Variants in PTCHD4 observed in about 807,000 individuals in gnomAD.
The protein encoded by PTCHD4 is patched domain-containing protein 4.
PTCHD4 carries 33 observed loss-of-function variants against 58.1 expected under a neutral mutation model. That is an observed-to-expected ratio of 0.57 (90% CI 0.43 to 0.76). PTCHD4 has a LOEUF of 0.76. Among genes scored for constraint, PTCHD4 ranks in the 30% least tolerant of loss-of-function variants. PTCHD4 has a pLI of 0.00. For synonymous variants in PTCHD4, 478 were observed against 409.6 expected (o/e 1.17, Z -2.02); for missense variants, 1,058 against 1,027.1 (o/e 1.03, Z -0.41).
intron 4 of PTCHD4, among the ~76,000 whole-genome samples, chr6:47,974,129 A>T (rs987159907): frequency 2.0e-5 from 3 of 152,194 alleles, no homozygotes; most frequent in Non-Finnish European, 4.4e-5. Flanking sequence ...ATAATGAGGG[A>T]TAAGTCAGGA....
intron 4 of PTCHD4, among the ~76,000 whole-genome samples, chr6:47,956,384 C>A (rs1192989225): frequency 6.6e-6 from 1 of 152,004 alleles, no homozygotes; most frequent in Non-Finnish European, 1.5e-5. Context: ...GATCAAAGAG[C>A]TAGACAATGA....
At chr6:48,002,597 T>C in intron 4 of PTCHD4, among the ~76,000 whole-genome samples, 3 of 121,006 alleles carry the variant, frequency 2.5e-5, no homozygotes, top group Middle Eastern at 7.5e-3. Context: ...TATCACACAC[T>C]GGGGCCTGTT....
chr6:48,045,845 C>T (rs1764017990), intron 3 of PTCHD4, among the ~76,000 whole-genome samples: 1 of 151,068 alleles, frequency 6.6e-6, no homozygotes, highest in African/African-American at 2.4e-5. Context: ...CATCTTCATT[C>T]CCTCAGGGTC....
intron 4 of PTCHD4, among the ~76,000 whole-genome samples, chr6:47,905,012 T>C (rs1561949494): frequency 7.2e-6 from 1 of 139,644 alleles, no homozygotes; most frequent in East Asian, 2.1e-4. Context: ...AATAGAGAAT[T>C]AGAAGAAGAA....
intron 1 of PTCHD4, among the ~76,000 whole-genome samples, chr6:48,070,836 G>A (rs1274983031): frequency 6.6e-6 from 1 of 152,136 alleles, no homozygotes; most frequent in Admixed American, 6.5e-5. Context: ...CACATGATGG[G>A]AAAGTTTTGG....
intron 4 of PTCHD4, among the ~76,000 whole-genome samples, chr6:47,968,686 T>A (rs1029056147): frequency 9.2e-5 from 14 of 152,180 alleles, no homozygotes; most frequent in Non-Finnish European, 1.9e-4. Flanking sequence ...AGTATTTTTT[T>A]AAAAATAATT....
At chr6:48,087,749 G>T (rs1765289567) in intron 1 of PTCHD4, among the ~76,000 whole-genome samples, 1 of 152,182 alleles carries the variant, frequency 6.6e-6, no homozygotes, top group Admixed American at 6.5e-5. Context: ...AATGGAAAAA[G>T]TCATACCTAT....
At position 47,863,600 on chromosome 6, in the gene PTCHD4, T is replaced by C. The variant is rs753051892; in HGVS notation, c.*14703A>G. ...TTCCAAATATTGCATGAAACATACT[T>C]GTACTAAAAATTTCATTCACTGATT... is the stretch of plus-strand genomic sequence containing the variant. On this transcript the variant is annotated 3_prime_UTR_variant, in exon 5 of 5. Coordinates refer to ENST00000339488, the MANE Select transcript of PTCHD4 (RefSeq NM_001384253.1). Among the ~76,000 whole-genome samples, 1 of 151,964 alleles carries C rather than the reference T, an allele frequency of 6.6e-6. No individual in the cohort carries two copies. Among genetic ancestry groups the C allele is most frequent in the Non-Finnish European group, 1.5e-5 (1 of 67,910 alleles).
At chr6:47,940,793 A>C (rs1766186809) in intron 4 of PTCHD4, among the ~76,000 whole-genome samples, 1 of 152,178 alleles carries the variant, frequency 6.6e-6, no homozygotes. Flanking sequence ...ACTCCTTCTT[A>C]ATATCAGGAA....
chr6:48,110,025 T>C (rs906024105), intron 1 of PTCHD4, among the ~76,000 whole-genome samples: 1 of 152,096 alleles, frequency 6.6e-6, no homozygotes, highest in African/African-American at 2.4e-5. Context: ...TGTAAACTGG[T>C]AAAGCCAGTT....
chr6:48,009,102 T>G lies in PTCHD4; in HGVS notation c.430A>C (p.Ser144Arg). Residue 144 changes from serine (S) to arginine (R), a missense_variant, in exon 4 of 5, where the codon AGT (serine) becomes CGT (arginine). Coordinates refer to ENST00000339488, the MANE Select transcript of PTCHD4 (RefSeq NM_001384253.1). ...CCGCCCAGTTGGTGTCCAATAAAACTGTTCCTCCCATCCTTGAAAACAGAA... is the reference window on the plus strand; with the variant it reads ...CCGCCCAGTTGGTGTCCAATAAAACGGTTCCTCCCATCCTTGAAAACAGAA... ...AVLEMKDGRNSFIGHQLGGVV... is the reference protein window; with the variant it reads ...AVLEMKDGRNRFIGHQLGGVV... 6.2e-7 allele frequency: 1 copy of G among 1,606,286 alleles called. No individual in the cohort carries two copies. Among genetic ancestry groups the G allele is most frequent in the Non-Finnish European group, 8.5e-7 (1 of 1,175,568 alleles).
Position 47,877,952 on chromosome 6 carries a change from AC to A in PTCHD4, c.*350del, listed in dbSNP as rs1763891289. 1 of 170,838 alleles carries A rather than the reference AC, an allele frequency of 5.9e-6. No homozygotes were observed. The highest frequency in any genetic ancestry group is 2.4e-5 in the African/African-American group (1 of 42,148). The allele number at this position is 170,838 out of a possible 1,614,324, so 10.6% of individuals were successfully genotyped here. On this transcript the variant is annotated 3_prime_UTR_variant, in exon 5 of 5. Transcript: ENST00000339488. Reference sequence around the variant, plus strand: ...ATGTCTTTCCCCCTATTTGAAGGACACCTTTCCTTGCTTCTCCATCACTCCT... The same window carrying A: ...ATGTCTTTCCCCCTATTTGAAGGACACTTTCCTTGCTTCTCCATCACTCCT...
At chr6:48,050,044 A>C (rs1764175255) in intron 3 of PTCHD4, among the ~76,000 whole-genome samples, 1 of 151,994 alleles carries the variant, frequency 6.6e-6, no homozygotes, top group Non-Finnish European at 1.5e-5. Context: ...CTAGGTATCA[A>C]CATGGCTTAT....
At chr6:48,013,843 A>T (rs1762778130) in intron 3 of PTCHD4, among the ~76,000 whole-genome samples, 1 of 152,182 alleles carries the variant, frequency 6.6e-6, no homozygotes, top group Admixed American at 6.6e-5. Flanking sequence ...GATCTTTAGC[A>T]GCAACAAAAT....
chr6:47,877,116 C>T lies in PTCHD4; in HGVS notation c.*1187G>A, dbSNP rs6934163. 0.67 allele frequency among the ~76,000 whole-genome samples: 101,127 copies of T among 151,886 alleles called. 34,155 individuals are homozygous for T. The highest frequency in any genetic ancestry group is 0.78 in the East Asian group (4,000 of 5,138). ...GAGTTTATAGGATTAGAATAGTTTC[C>T]TTATGCTAAGAACTAGTAGATGGCA... is the stretch of plus-strand genomic sequence containing the variant. On this transcript the variant is annotated 3_prime_UTR_variant, in exon 5 of 5. Coordinates refer to ENST00000339488, the MANE Select transcript of PTCHD4 (RefSeq NM_001384253.1).
chr6:47,999,847 A>T (rs1003755767), intron 4 of PTCHD4, among the ~76,000 whole-genome samples: 1 of 152,230 alleles, frequency 6.6e-6, no homozygotes, highest in Admixed American at 6.5e-5. Flanking sequence ...TAATATTTCA[A>T]CTTATCAATT....
At chr6:47,897,208 T>C (rs1483819300) in intron 4 of PTCHD4, among the ~76,000 whole-genome samples, 1 of 152,182 alleles carries the variant, frequency 6.6e-6, no homozygotes, top group Non-Finnish European at 1.5e-5. Flanking sequence ...TCTTTAACTA[T>C]TCTTCTCCAA....
chr6:48,030,362 CT>C (rs1452993596), intron 3 of PTCHD4, among the ~76,000 whole-genome samples: 1 of 152,052 alleles, frequency 6.6e-6, no homozygotes, highest in African/African-American at 2.4e-5. Flanking sequence ...TATCTTTAAG[CT>C]TTTGTTATTT....
intron 3 of PTCHD4, among the ~76,000 whole-genome samples, chr6:48,048,978 G>A (rs980998891): frequency 6.6e-6 from 1 of 151,946 alleles, no homozygotes; most frequent in Non-Finnish European, 1.5e-5. Flanking sequence ...GACCACTGAA[G>A]AAGATGATTG....
Sources: gnomAD v4.1 joint callset for allele counts (sites outside exome capture counted in the v4.1 genomes callset) on GRCh38, gnomAD v4.1.1 for gene constraint, MANE v1.5 for transcripts, NCBI Gene and HGNC (gene_info 2026-07-23, HGNC 2026-07-21) for gene names.